Variants in KCNAB1 observed in about 807,000 individuals in gnomAD.
The protein encoded by KCNAB1 is potassium voltage-gated channel subfamily A regulatory beta subunit 1, also known as voltage-gated potassium channel subunit beta-1.
Under a neutral mutation model 64.6 loss-of-function variants are expected in KCNAB1, and 35 were observed. The ratio of observed to expected loss-of-function variants is 0.54; its 90% CI spans 0.41 to 0.72. The LOEUF is 0.72. Ranked by LOEUF, KCNAB1 falls within the 30% of genes least tolerant of loss-of-function variation. The pLI is 0.00. For synonymous variants in KCNAB1, 177 were observed against 183.8 expected (o/e 0.96, Z 0.30); for missense variants, 401 against 512.9 (o/e 0.78, Z 2.11).
chr3:156,512,400 G>C (rs1235392558), intron 8 of KCNAB1, among the ~76,000 whole-genome samples: 1 of 152,246 alleles, frequency 6.6e-6, no homozygotes, highest in African/African-American at 2.4e-5. Flanking sequence ...CTTGATGGCA[G>C]AGACAGAGTT....
intron 1 of KCNAB1, among the ~76,000 whole-genome samples, chr3:156,284,084 C>T (rs1046001527): frequency 1.6e-4 from 25 of 152,216 alleles, no homozygotes; most frequent in African/African-American, 5.5e-4. Context: ...GTTTTTTCCC[C>T]ATCTTTGTGG....
rs551931201 is a variant in KCNAB1 at position 156,213,376 on chromosome 3, C to T, written c.275+92490C>T. On this transcript the variant is annotated intron_variant, in intron 1 of 13. Coordinates refer to ENST00000490337, the MANE Select transcript of KCNAB1 (RefSeq NM_172160.3). ...GGAACTAAAGGCATGCATCACTATGCCTGGCTAATTTTTCTTTTGTAGAGA... is the reference window on the plus strand; with the variant it reads ...GGAACTAAAGGCATGCATCACTATGTCTGGCTAATTTTTCTTTTGTAGAGA... Among the ~76,000 whole-genome samples, 17 of 152,166 alleles carry T rather than the reference C, an allele frequency of 1.1e-4. 1 individual carries two copies. The South Asian group carries it at 2.7e-3, about 24-fold the overall frequency.
intron 2 of KCNAB1, among the ~76,000 whole-genome samples, chr3:156,444,778 A>G (rs6772280): frequency 0.2 from 30,155 of 152,232 alleles, 5,476 homozygotes; most frequent in African/African-American, 0.48. Context: ...CATGAAATAA[A>G]GAAGGTTAAG....
intron 1 of KCNAB1, among the ~76,000 whole-genome samples, chr3:156,129,789 C>T (rs148454314): frequency 6.6e-6 from 1 of 152,292 alleles, no homozygotes; most frequent in Non-Finnish European, 1.5e-5. Context: ...AGGAGTCTCT[C>T]TATGAGCCCC....
intron 4 of KCNAB1, among the ~76,000 whole-genome samples, chr3:156,458,940 T>C (rs1299457977): frequency 6.6e-6 from 1 of 152,180 alleles, no homozygotes; most frequent in Non-Finnish European, 1.5e-5. Flanking sequence ...ACTCAATGCT[T>C]GTCTCTTTGG....
At chr3:156,230,064 T>G (rs1203427573) in intron 1 of KCNAB1, among the ~76,000 whole-genome samples, 1 of 152,174 alleles carries the variant, frequency 6.6e-6, no homozygotes, top group African/African-American at 2.4e-5. Context: ...AAGCTTGACA[T>G]CCAAAGAGCA....
chr3:156,481,408 C>G (rs1394323007), intron 8 of KCNAB1, among the ~76,000 whole-genome samples: 1 of 134,136 alleles, frequency 7.5e-6, no homozygotes, highest in Non-Finnish European at 1.6e-5. Context: ...CAAACCCAGC[C>G]AAGCTTGTTG....
intron 1 of KCNAB1, among the ~76,000 whole-genome samples, chr3:156,121,652 A>G (rs1264720897): frequency 2.0e-5 from 3 of 152,222 alleles, no homozygotes; most frequent in Non-Finnish European, 2.9e-5. Flanking sequence ...GGAATTAAAG[A>G]TAATTTTGGA....
At chr3:156,410,915 T>C (rs972255648) in intron 1 of KCNAB1, among the ~76,000 whole-genome samples, 3 of 152,224 alleles carry the variant, frequency 2.0e-5, no homozygotes, top group Non-Finnish European at 4.4e-5. Flanking sequence ...TTATATACAC[T>C]TTTTTGTGTG....
rs112260888 is a variant in KCNAB1 at position 156,324,569 on chromosome 3, C to G, written c.276-97047C>G. 1.1e-3 allele frequency among the ~76,000 whole-genome samples: 170 copies of G among 152,224 alleles called. 1 individual carries two copies. Among genetic ancestry groups the G allele is most frequent in the African/African-American group, 4.0e-3 (166 of 41,542 alleles). ...TTGTGCCAAGGATGCTAATTTGATG[C>G]CACACGCTCACTTGACTGATGGAGT... On this transcript the variant is annotated intron_variant, in intron 1 of 13. Transcript: ENST00000490337.
intron 1 of KCNAB1, among the ~76,000 whole-genome samples, chr3:156,302,901 G>T (rs1010715286): frequency 2.0e-5 from 3 of 152,104 alleles, no homozygotes; most frequent in Admixed American, 1.3e-4. Context: ...TGAGATATGG[G>T]AATAGAACTT....
At chr3:156,369,027 A>G (rs1264651052) in intron 1 of KCNAB1, among the ~76,000 whole-genome samples, 2 of 152,196 alleles carry the variant, frequency 1.3e-5, no homozygotes. Flanking sequence ...ATGCTCATGT[A>G]ACCACAGGCA....
At chr3:156,456,296 T>C (rs571750819) in intron 3 of KCNAB1, among the ~76,000 whole-genome samples, 1 of 152,320 alleles carries the variant, frequency 6.6e-6, no homozygotes, top group East Asian at 1.9e-4. Context: ...TAGATAAGAT[T>C]TGTGTACATA....
intron 8 of KCNAB1, among the ~76,000 whole-genome samples, chr3:156,480,348 G>A (rs961396185): frequency 2.0e-5 from 3 of 151,856 alleles, no homozygotes; most frequent in East Asian, 3.9e-4. Flanking sequence ...AGTAAAAAGA[G>A]AGAGGAACAA....
intron 1 of KCNAB1, among the ~76,000 whole-genome samples, chr3:156,298,802 T>A (rs1024394259): frequency 6.6e-6 from 1 of 152,230 alleles, no homozygotes; most frequent in Non-Finnish European, 1.5e-5. Context: ...CTATTAGGCA[T>A]CATAAGAAGA....
chr3:156,430,693 C>T (rs571299867), intron 2 of KCNAB1, among the ~76,000 whole-genome samples: 8 of 152,284 alleles, frequency 5.3e-5, no homozygotes, highest in South Asian at 4.1e-4. Context: ...CTAGCAGCCT[C>T]GTCCCTTATG....
At chr3:156,530,932 C>G (rs1718660189) in intron 12 of KCNAB1, among the ~76,000 whole-genome samples, 1 of 152,064 alleles carries the variant, frequency 6.6e-6, no homozygotes, top group African/African-American at 2.4e-5. Context: ...TTTCCAGGAA[C>G]AATGTGTTTC....
At chr3:156,485,839 T>C (rs1715166316) in intron 8 of KCNAB1, among the ~76,000 whole-genome samples, 1 of 152,108 alleles carries the variant, frequency 6.6e-6, no homozygotes, top group Non-Finnish European at 1.5e-5. Context: ...AGTGAGAACA[T>C]GACGTATTTG....
chr3:156,266,149 AT>A (rs948030160), intron 1 of KCNAB1, among the ~76,000 whole-genome samples: 15 of 152,036 alleles, frequency 9.9e-5, no homozygotes, highest in East Asian at 7.7e-4. Context: ...ATTTTAGCTC[AT>A]TTTTTTCCCC....
Sources: gnomAD v4.1 joint callset for allele counts (sites outside exome capture counted in the v4.1 genomes callset) on GRCh38, gnomAD v4.1.1 for gene constraint, MANE v1.5 for transcripts, NCBI Gene and HGNC (gene_info 2026-07-23, HGNC 2026-07-21) for gene names.